The following PGS1 variants were observed in gnomAD, a reference collection of about 807,000 sequenced individuals.
The protein encoded by PGS1 is CDP-diacylglycerol--glycerol-3-phosphate 3-phosphatidyltransferase, mitochondrial.
PGS1 carries 44 observed loss-of-function variants against 58.3 expected under a neutral mutation model. That is an observed-to-expected ratio of 0.75 (90% CI 0.59 to 0.97). PGS1 has a LOEUF of 0.97. Ranked by LOEUF, PGS1 falls within the 50% of genes least tolerant of loss-of-function variation. The pLI is 0.00. For synonymous variants in PGS1, 330 were observed against 311.0 expected (o/e 1.06, Z -0.64); for missense variants, 684 against 731.1 (o/e 0.94, Z 0.74).
chr17:78,424,496 C>G lies in PGS1; in HGVS notation c.*446C>G. On this transcript the variant is annotated 3_prime_UTR_variant, in exon 10 of 10. Transcript: ENST00000262764. ...AATTACAGAGTAAAGTTCCCTGATT[C>G]TTAATGTGTAATGTCTGCCCTATGT... 1.4e-5 allele frequency: 4 copies of G among 289,198 alleles called. No individual in the cohort carries two copies. The highest frequency in any genetic ancestry group is 2.6e-5 in the Non-Finnish European group (4 of 152,090). The allele number at this position is 289,198 out of a possible 1,614,324, so 17.9% of individuals were successfully genotyped here.
At chr17:78,382,201 T>C (rs2082081575) in intron 1 of PGS1, among the ~76,000 whole-genome samples, 1 of 152,054 alleles carries the variant, frequency 6.6e-6, no homozygotes, top group African/African-American at 2.4e-5. Flanking sequence ...TGAAACCATT[T>C]CCAGGAGCTG....
intron 1 of PGS1, among the ~76,000 whole-genome samples, chr17:78,381,238 G>T (rs1021804862): frequency 1.3e-5 from 2 of 152,128 alleles, no homozygotes; most frequent in Admixed American, 6.5e-5. Flanking sequence ...TTGTGTGAGT[G>T]GATGCAGTTT....
intron 7 of PGS1, among the ~76,000 whole-genome samples, chr17:78,406,454 C>T (rs1041058945): frequency 3.3e-5 from 5 of 152,230 alleles, no homozygotes; most frequent in Non-Finnish European, 7.3e-5. Context: ...AACCACTGTC[C>T]CAGCTTGGAA....
chr17:78,387,360 C>T (rs185001369), intron 1 of PGS1, among the ~76,000 whole-genome samples: 9 of 147,170 alleles, frequency 6.1e-5, no homozygotes, highest in South Asian at 2.2e-4. Flanking sequence ...TGCACAGTGG[C>T]GCGATCTGGG....
intron 8 of PGS1, among the ~76,000 whole-genome samples, chr17:78,415,451 T>G (rs1483102224): frequency 6.6e-6 from 1 of 152,022 alleles, no homozygotes; most frequent in East Asian, 1.9e-4. Flanking sequence ...GCCAACATGG[T>G]GAAACCCCAC....
intron 1 of PGS1, among the ~76,000 whole-genome samples, chr17:78,379,844 C>A (rs1017305532): frequency 1.3e-5 from 2 of 151,012 alleles, no homozygotes; most frequent in South Asian, 2.1e-4. Context: ...AAAAAAAATT[C>A]TCTTGTGTGC....
At position 78,392,681 on chromosome 17, in the gene PGS1, A is replaced by G. The variant is rs751959632; in HGVS notation, c.333+16A>G. The stretch of plus-strand genomic sequence containing the variant: ...GCTCATGAAGGTAAGTGGTATCTAA[A>G]GGAAAGAAGTTTGAGTTAGAGCTTT... On this transcript the variant is annotated intron_variant, in intron 2 of 9. Transcript: ENST00000262764. 117 of 1,610,054 alleles carry G rather than the reference A, an allele frequency of 7.3e-5. No individual in the cohort carries two copies. Among genetic ancestry groups the G allele is most frequent in the Non-Finnish European group, 9.1e-5 (107 of 1,177,468 alleles).
rs1392500999 is a variant in PGS1, at chr17:78,415,038, G to A, written c.1551+11G>A. ...CAGCAGCTTCACCAGGTTGGTCGCA[G>A]CAAGTGGGATTTCCCAGGGCGCTGA... On this transcript the variant is annotated intron_variant, in intron 8 of 9. Coordinates refer to ENST00000262764, the MANE Select transcript of PGS1 (RefSeq NM_024419.5). 19 of 1,610,344 alleles carry A rather than the reference G, an allele frequency of 1.2e-5. No individual in the cohort carries two copies. The highest frequency in any genetic ancestry group is 1.6e-5 in the Non-Finnish European group (19 of 1,179,530).
chr17:78,383,596 C>G (rs535460916), intron 1 of PGS1, among the ~76,000 whole-genome samples: 1 of 152,158 alleles, frequency 6.6e-6, no homozygotes, highest in Non-Finnish European at 1.5e-5. Flanking sequence ...GAGGGACCAC[C>G]AGATTTCCAG....
chr17:78,406,715 G>A (rs2084179959), intron 7 of PGS1, among the ~76,000 whole-genome samples: 1 of 152,234 alleles, frequency 6.6e-6, no homozygotes, highest in African/African-American at 2.4e-5. Flanking sequence ...ACCCAGGGAT[G>A]GGGTATTGAA....
At chr17:78,410,967 GCAGA>G (rs2084634253) in intron 7 of PGS1, among the ~76,000 whole-genome samples, 3 of 152,168 alleles carry the variant, frequency 2.0e-5, no homozygotes, top group South Asian at 4.1e-4. Context: ...TTGATGGAAA[GCAGA>G]TAATAAGCAG....
chr17:78,399,302 G>C lies in PGS1; in HGVS notation c.512-46G>C, dbSNP rs370820974. The C allele has an allele frequency of 2.7e-6, 4 of 1,498,392 alleles. No homozygotes were observed. The South Asian group carries it at 3.4e-5, about 13-fold the overall frequency. The allele number at this position is 1,498,392 out of a possible 1,614,324, so 92.8% of individuals were successfully genotyped here. A position where few individuals can be genotyped will look rare whatever the true frequency, so the allele number is the denominator to read the frequency against. On this transcript the variant is annotated intron_variant, in intron 4 of 9. Coordinates refer to ENST00000262764, the MANE Select transcript of PGS1 (RefSeq NM_024419.5). ...GGTGGCTCCTCATTGGGGGCAGGAC[G>C]CCTTCCTGTTGTGAGTCAGGTGCCG...
At chr17:78,383,950 C>T (rs1297855694) in intron 1 of PGS1, among the ~76,000 whole-genome samples, 2 of 152,138 alleles carry the variant, frequency 1.3e-5, no homozygotes, top group Non-Finnish European at 2.9e-5. Flanking sequence ...TTTGTAATAG[C>T]GTGATCTGAT....
At chr17:78,398,027 A>G (rs2083372417) in intron 3 of PGS1, 2 of 616,116 alleles carry the variant, frequency 3.2e-6, no homozygotes, top group Non-Finnish European at 6.1e-6. Context: ...GTCCCTTTCC[A>G]TTCCTGGAGG....
chr17:78,413,853 C>CA (rs2084941463), intron 7 of PGS1, among the ~76,000 whole-genome samples: 1 of 152,254 alleles, frequency 6.6e-6, no homozygotes, highest in Non-Finnish European at 1.5e-5. Flanking sequence ...TCTCAGGTAA[C>CA]ACGTCAGTAT....
intron 1 of PGS1, among the ~76,000 whole-genome samples, chr17:78,389,978 G>A (rs1408799434): frequency 1.3e-5 from 2 of 152,286 alleles, no homozygotes; most frequent in African/African-American, 4.8e-5. Flanking sequence ...GCAGTACAGC[G>A]GCACCTGATT....
At chr17:78,412,809 A>G (rs942815169) in intron 7 of PGS1, among the ~76,000 whole-genome samples, 1 of 152,158 alleles carries the variant, frequency 6.6e-6, no homozygotes, top group Non-Finnish European at 1.5e-5. Flanking sequence ...GAACAGACCC[A>G]CTGTTTTAAG....
At position 78,403,697 on chromosome 17, in the gene PGS1, C is replaced by G. The variant is rs371933509; in HGVS notation, c.1010C>G (p.Ala337Gly). 56 of 1,614,132 alleles carry G rather than the reference C, an allele frequency of 3.5e-5. No individual in the cohort carries two copies. Among genetic ancestry groups the G allele is most frequent in the Non-Finnish European group, 4.6e-5 (54 of 1,180,060 alleles). The change falls in exon 7 of 10, where the codon GCA becomes GGA. Residue 337 changes from alanine (A) to glycine (G), a missense_variant. Transcript: ENST00000262764. ...HSNSLLTQED[A>G]AAAGDRRPAP... ...AACTCTCTTTTGACCCAGGAAGATG[C>G]AGCAGCTGCTGGGGATCGCAGACCA...
intron 1 of PGS1, among the ~76,000 whole-genome samples, chr17:78,390,062 T>TCCCCCCCCCCCCCCCCCCCGCC (rs1555628316): frequency 3.7e-4 from 47 of 128,508 alleles, no homozygotes; most frequent in Non-Finnish European, 5.0e-4. Context: ...TGTTGCCTGT[T>TCCCCCCCCCCCCCCCCCCCGCC]CCCCCGCCCC....
Sources: gnomAD v4.1 joint callset for allele counts (sites outside exome capture counted in the v4.1 genomes callset) on GRCh38, gnomAD v4.1.1 for gene constraint, MANE v1.5 for transcripts, NCBI Gene and HGNC (gene_info 2026-07-23, HGNC 2026-07-21) for gene names.